XPR1: variants seen among roughly 807,000 people sequenced by gnomAD.
XPR1 encodes xenotropic and polytropic retrovirus receptor 1.
Under a neutral mutation model 87.5 loss-of-function variants are expected in XPR1, and 28 were observed. The ratio of observed to expected loss-of-function variants is 0.32; its 90% CI spans 0.24 to 0.44. The LOEUF (loss-of-function observed/expected upper bound fraction) is 0.44, where lower values mean the gene tolerates loss of function less well. XPR1 is among the 20% of genes least tolerant of loss of function. The probability of loss-of-function intolerance (pLI) is 1.00; values close to 1 mark genes in which losing one functional copy is unlikely to be tolerated. For missense variants in XPR1, 559 were observed against 862.3 expected, an observed-to-expected ratio of 0.65 and a Z score of 4.41; for synonymous variants, 300 against 306.1, an observed-to-expected ratio of 0.98 and a Z score of 0.21.
chr1:180,648,128 C>G (rs946370995), intron 1 of XPR1, among the ~76,000 whole-genome samples: 1 of 152,134 alleles, frequency 6.6e-6, no homozygotes, highest in African/African-American at 2.4e-5. Context: ...TGCTATTGCT[C>G]AGCTCCAAAA....
intron 7 of XPR1, among the ~76,000 whole-genome samples, chr1:180,822,463 T>C (rs1650671390): frequency 6.6e-6 from 1 of 152,224 alleles, no homozygotes; most frequent in Admixed American, 6.5e-5. Context: ...ATCTCCTTAC[T>C]GTAGTTTTCC....
chr1:180,785,865 A>G (rs1258279049), intron 2 of XPR1, among the ~76,000 whole-genome samples: 2 of 151,722 alleles, frequency 1.3e-5, no homozygotes, highest in Non-Finnish European at 1.5e-5. Context: ...CTCTTATTTT[A>G]TATCAGCTAT....
chr1:180,785,342 A>G (rs1056287197), intron 2 of XPR1, among the ~76,000 whole-genome samples: 1 of 151,872 alleles, frequency 6.6e-6, no homozygotes, highest in African/African-American at 2.4e-5. Context: ...TAGCAGAGAC[A>G]GGACAGGGTT....
At chr1:180,691,071 C>T (rs1385561174) in intron 2 of XPR1, among the ~76,000 whole-genome samples, 3 of 151,930 alleles carry the variant, frequency 2.0e-5, no homozygotes, top group Admixed American at 1.3e-4. Context: ...TGAGATGACA[C>T]ATACGGTATT....
chr1:180,816,789 A>G (rs1650427644), intron 7 of XPR1, among the ~76,000 whole-genome samples: 1 of 152,248 alleles, frequency 6.6e-6, no homozygotes, highest in Non-Finnish European at 1.5e-5. Flanking sequence ...ATACTTGATC[A>G]TGATAATAAA....
intron 2 of XPR1, among the ~76,000 whole-genome samples, chr1:180,774,758 T>C (rs10914098): frequency 0.043 from 6,541 of 152,232 alleles, 505 homozygotes; most frequent in African/African-American, 0.15. Context: ...ATCATAAATG[T>C]GTTTTCTCTT....
chr1:180,872,953 G>T (rs1652550075), intron 12 of XPR1, among the ~76,000 whole-genome samples: 1 of 151,558 alleles, frequency 6.6e-6, no homozygotes, highest in African/African-American at 2.4e-5. Flanking sequence ...AAGGTGGCCA[G>T]GGGACTTTTT....
chr1:180,681,232 A>G (rs538914915), intron 1 of XPR1, among the ~76,000 whole-genome samples: 1 of 152,344 alleles, frequency 6.6e-6, no homozygotes, highest in South Asian at 2.1e-4. Flanking sequence ...ACACAAAAAA[A>G]TTATAGATGT....
At chr1:180,715,240 ACTT>A in intron 2 of XPR1, among the ~76,000 whole-genome samples, 1 of 152,302 alleles carries the variant, frequency 6.6e-6, no homozygotes, top group East Asian at 1.9e-4. Context: ...ATTATCTCAC[ACTT>A]CTTTACTGAA....
chr1:180,659,178 T>C (rs377420587), intron 1 of XPR1, among the ~76,000 whole-genome samples: 116 of 131,018 alleles, frequency 8.9e-4, no homozygotes, highest in South Asian at 7.3e-3. Flanking sequence ...ACTAGGGATA[T>C]TGGCCTGTAG....
intron 12 of XPR1, among the ~76,000 whole-genome samples, chr1:180,865,032 T>C: frequency 6.6e-6 from 1 of 152,216 alleles, no homozygotes; most frequent in East Asian, 1.9e-4. Flanking sequence ...CTTAAAATTG[T>C]ATTTGGAAAA....
chr1:180,835,700 A>G (rs12059242), intron 10 of XPR1, among the ~76,000 whole-genome samples: 6,530 of 152,194 alleles, frequency 0.043, 501 homozygotes, highest in African/African-American at 0.15. Context: ...TTCAAGGAAA[A>G]GTTGATTTAC....
At chr1:180,683,561 A>G (rs1343331892) in intron 2 of XPR1, among the ~76,000 whole-genome samples, 1 of 152,062 alleles carries the variant, frequency 6.6e-6, no homozygotes, top group Non-Finnish European at 1.5e-5. Flanking sequence ...ACAATGGTTG[A>G]ACTAGTTTAT....
rs543269840 is a variant in XPR1 at position 180,840,080 on chromosome 1, G to A, written c.1501+3364G>A. ...CTACTAAAAATACAAAAAATTAGCC[G>A]GGAGCGGTGGCGGGCGCCTGTAGTC... On this transcript the variant is annotated intron_variant, in intron 11 of 14. Coordinates refer to ENST00000367590, the MANE Select transcript of XPR1 (RefSeq NM_004736.4). Among the ~76,000 whole-genome samples the A allele has an allele frequency of 6.8e-3, 1,032 of 151,670 alleles. 9 individuals carry two copies. Among genetic ancestry groups the A allele is most frequent in the African/African-American group, 0.023 (947 of 41,366 alleles).
At chr1:180,750,505 A>T (rs1231813234) in intron 2 of XPR1, among the ~76,000 whole-genome samples, 1 of 152,146 alleles carries the variant, frequency 6.6e-6, no homozygotes, top group African/African-American at 2.4e-5. Context: ...GAATTGAATT[A>T]TGTAGGAAAT....
intron 6 of XPR1, among the ~76,000 whole-genome samples, chr1:180,806,782 A>T (rs1650007285): frequency 1.3e-5 from 2 of 152,046 alleles, no homozygotes; most frequent in Non-Finnish European, 2.9e-5. Flanking sequence ...GTTTATTCTT[A>T]CTGACATGTT....
At chr1:180,712,026 A>G (rs985487331) in intron 2 of XPR1, among the ~76,000 whole-genome samples, 3 of 152,188 alleles carry the variant, frequency 2.0e-5, no homozygotes, top group Admixed American at 6.5e-5. Flanking sequence ...ATGCATTCCA[A>G]GACCCCCAGT....
At chr1:180,658,433 A>T (rs1007847338) in intron 1 of XPR1, among the ~76,000 whole-genome samples, 1 of 152,112 alleles carries the variant, frequency 6.6e-6, no homozygotes, top group Non-Finnish European at 1.5e-5. Flanking sequence ...TCTGTTGTGT[A>T]TGGCTTTTAT....
Position 180,857,614 on chromosome 1 carries a change from G to A in XPR1, c.1502-6094G>A, listed in dbSNP as rs535953568. On this transcript the variant is annotated intron_variant, in intron 11 of 14. Transcript: ENST00000367590. The stretch of plus-strand genomic sequence containing the variant: ...TGGCTATTTCCCCTCCTGGCTTATT[G>A]ATTCCTTTTCTATGCACAGTTCCAG... Among the ~76,000 whole-genome samples the A allele has an allele frequency of 4.6e-5, 7 of 152,098 alleles. No homozygotes were observed. The East Asian group carries it at 9.7e-4, about 21-fold the overall frequency.
Sources: allele counts gnomAD v4.1 joint callset (sites outside exome capture counted in the v4.1 genomes callset), GRCh38; gene constraint gnomAD v4.1.1; transcripts MANE v1.5; gene names NCBI Gene and HGNC (gene_info 2026-07-23, HGNC 2026-07-21).